SGIP1: variants seen among roughly 807,000 people sequenced by gnomAD.
SGIP1 encodes SH3-containing GRB2-like protein 3-interacting protein 1.
Under a neutral mutation model 107.5 loss-of-function variants are expected in SGIP1, and 38 were observed. The observed-to-expected ratio is 0.35, with a 90% confidence interval of 0.27 to 0.46. The LOEUF (loss-of-function observed/expected upper bound fraction) is 0.46, where lower values mean the gene tolerates loss of function less well. SGIP1 is among the 20% of genes least tolerant of loss of function. SGIP1 has a pLI of 1.00. For missense variants in SGIP1, 929 were observed against 1,019.5 expected (o/e 0.91, Z 1.21); for synonymous variants, 365 against 366.1 (o/e 1.00, Z 0.03).
intron 8 of SGIP1, among the ~76,000 whole-genome samples, chr1:66,667,298 C>T (rs1290549146): frequency 6.6e-6 from 1 of 152,184 alleles, no homozygotes. Flanking sequence ...CTTACATACC[C>T]ACATTAGCAA....
intron 21 of SGIP1, among the ~76,000 whole-genome samples, chr1:66,737,313 GT>G (rs1328931451): frequency 3.9e-5 from 6 of 152,154 alleles, no homozygotes; most frequent in Admixed American, 6.5e-5. Context: ...ATCCTATAGA[GT>G]TTTTTTCATT....
rs148863798 is a variant in SGIP1 at position 66,693,015 on chromosome 1, G to A, written c.1571-2419G>A. Among the ~76,000 whole-genome samples, 783 of 152,132 alleles carry A rather than the reference G, an allele frequency of 5.1e-3. 10 individuals carry two copies. Among genetic ancestry groups the A allele is most frequent in the Admixed American group, 0.024 (374 of 15,276 alleles). ...AAAAATGTACCATTATTTTTTATAC[G>A]ACTAAGAAAGGGGAGAAAAACTACT... On this transcript the variant is annotated intron_variant, in intron 17 of 24. Coordinates refer to ENST00000371037, the MANE Select transcript of SGIP1 (RefSeq NM_032291.4).
intron 15 of SGIP1, chr1:66,684,053 T>A (rs1035146869): frequency 5.2e-6 from 8 of 1,546,946 alleles, no homozygotes; most frequent in Non-Finnish European, 8.7e-7. Flanking sequence ...TTTTGTACAT[T>A]ATTTCATACA....
intron 7 of SGIP1, among the ~76,000 whole-genome samples, chr1:66,646,870 G>T (rs2077761850): frequency 1.3e-5 from 2 of 152,116 alleles, no homozygotes; most frequent in Non-Finnish European, 2.9e-5. Context: ...GCCAGGACAA[G>T]GCAGAGCACC....
chr1:66,555,042 C>A (rs1001064421), intron 1 of SGIP1, among the ~76,000 whole-genome samples: 6 of 152,116 alleles, frequency 3.9e-5, no homozygotes, highest in African/African-American at 7.2e-5. Flanking sequence ...AGTTCAGTCA[C>A]CAAGTACTAT....
intron 1 of SGIP1, among the ~76,000 whole-genome samples, chr1:66,560,271 T>C (rs2058737124): frequency 6.6e-6 from 1 of 152,070 alleles, no homozygotes; most frequent in Non-Finnish European, 1.5e-5. Flanking sequence ...AGGGCAGAAA[T>C]AAGTACCCAG....
intron 19 of SGIP1, among the ~76,000 whole-genome samples, chr1:66,722,090 C>G (rs541413052): frequency 1.3e-5 from 2 of 152,260 alleles, no homozygotes; most frequent in South Asian, 2.1e-4. Flanking sequence ...GCCTCCAACC[C>G]TCACCTCCAT....
chr1:66,733,309 A>G (rs1243746154), intron 20 of SGIP1, among the ~76,000 whole-genome samples: 2 of 152,216 alleles, frequency 1.3e-5, no homozygotes, highest in Admixed American at 1.3e-4. Context: ...ATTTGGCCAA[A>G]TATTTCACTG....
chr1:66,628,072 T>G (rs2073352436), intron 2 of SGIP1, among the ~76,000 whole-genome samples: 2 of 152,174 alleles, frequency 1.3e-5, no homozygotes, highest in Admixed American at 6.5e-5. Flanking sequence ...ACAAAGGACA[T>G]GAACTCATTA....
intron 7 of SGIP1, among the ~76,000 whole-genome samples, chr1:66,659,916 C>T (rs2080568194): frequency 8.2e-6 from 1 of 121,536 alleles, no homozygotes; most frequent in Non-Finnish European, 1.7e-5. Context: ...CTGTCAGAAA[C>T]AGAAAGAGAA....
chr1:66,565,769 C>T (rs2059556449), intron 1 of SGIP1, among the ~76,000 whole-genome samples: 1 of 151,984 alleles, frequency 6.6e-6, no homozygotes, highest in Admixed American at 6.6e-5. Flanking sequence ...CTTTTGTTCA[C>T]CTCCCTGTGC....
At chr1:66,599,869 G>GA (rs2065431426) in intron 1 of SGIP1, among the ~76,000 whole-genome samples, 1 of 152,154 alleles carries the variant, frequency 6.6e-6, no homozygotes, top group Non-Finnish European at 1.5e-5. Flanking sequence ...GGACACTTGG[G>GA]ATCTATTTTC....
At chr1:66,705,419 A>C (rs1306231219) in intron 18 of SGIP1, among the ~76,000 whole-genome samples, 1 of 152,218 alleles carries the variant, frequency 6.6e-6, no homozygotes, top group Non-Finnish European at 1.5e-5. Context: ...AAGTGTCCCA[A>C]GGGTAATATT....
chr1:66,702,532 T>C (rs959190084), intron 18 of SGIP1, among the ~76,000 whole-genome samples: 1 of 152,142 alleles, frequency 6.6e-6, no homozygotes, highest in Non-Finnish European at 1.5e-5. Flanking sequence ...TTTTAAATTA[T>C]CCATGCTTTG....
At chr1:66,535,809 T>C (rs1356278091) in intron 1 of SGIP1, among the ~76,000 whole-genome samples, 1 of 152,240 alleles carries the variant, frequency 6.6e-6, no homozygotes, top group African/African-American at 2.4e-5. Context: ...GTGTTATTTA[T>C]GCACTTTTCA....
chr1:66,566,375 A>G (rs549585146), intron 1 of SGIP1, among the ~76,000 whole-genome samples: 14 of 152,150 alleles, frequency 9.2e-5, no homozygotes, highest in African/African-American at 3.4e-4. Context: ...AATTTGGAAA[A>G]GGTAACTTTT....
rs533372526 is a variant in SGIP1, at chr1:66,559,313, C to A, written c.10+24945C>A. Among the ~76,000 whole-genome samples, 3 of 152,178 alleles carry A rather than the reference C, an allele frequency of 2.0e-5. No individual in the cohort carries two copies. The South Asian group carries it at 6.2e-4, about 32-fold the overall frequency. ...GCTTGCCATTTTTCAAATATTAGGG[C>A]AGATCCTGAATTCCTGTTTTATCCT... On this transcript the variant is annotated intron_variant, in intron 1 of 24. Coordinates refer to ENST00000371037, the MANE Select transcript of SGIP1 (RefSeq NM_032291.4).
chr1:66,678,121 G>A (rs1180125308), intron 13 of SGIP1, among the ~76,000 whole-genome samples: 2 of 152,170 alleles, frequency 1.3e-5, no homozygotes, highest in African/African-American at 2.4e-5. Context: ...TTTGAAAAAT[G>A]TATTTTTAAA....
intron 1 of SGIP1, among the ~76,000 whole-genome samples, chr1:66,539,884 G>T (rs1168149861): frequency 7.1e-6 from 1 of 140,928 alleles, no homozygotes; most frequent in African/African-American, 2.8e-5. Flanking sequence ...TATGGCTTGT[G>T]GTTGCTTTCA....
Sources: gnomAD v4.1 joint callset for allele counts (sites outside exome capture counted in the v4.1 genomes callset) on GRCh38, gnomAD v4.1.1 for gene constraint, MANE v1.5 for transcripts, NCBI Gene and HGNC (gene_info 2026-07-23, HGNC 2026-07-21) for gene names.